The following CUEDC1 variants were observed in gnomAD, a reference collection of about 807,000 sequenced individuals.
CUEDC1 encodes CUE domain containing 1, also known as CUE domain-containing protein 1.
Under a neutral mutation model 43.7 loss-of-function variants are expected in CUEDC1, and 30 were observed. The observed-to-expected ratio is 0.69, with a 90% CI of 0.51 to 0.93. The LOEUF is 0.93. Ranked by LOEUF, CUEDC1 falls within the 40% of genes least tolerant of loss-of-function variation. CUEDC1 has a pLI of 0.00. For synonymous variants in CUEDC1, 223 were observed against 223.6 expected (o/e 1.00, Z 0.02); for missense variants, 486 against 549.0 (o/e 0.89, Z 1.15).
At chr17:57,884,623 C>G (rs2074262531) in intron 2 of CUEDC1, among the ~76,000 whole-genome samples, 1 of 152,212 alleles carries the variant, frequency 6.6e-6, no homozygotes, top group Non-Finnish European at 1.5e-5. Context: ...ACCTCCCAGA[C>G]TCTGCACAAG....
chr17:57,874,048 C>T (rs747964006), intron 3 of CUEDC1, among the ~76,000 whole-genome samples: 6 of 152,212 alleles, frequency 3.9e-5, no homozygotes, highest in Non-Finnish European at 8.8e-5. Flanking sequence ...CAGCAGGGAT[C>T]GCATCCTTTC....
intron 1 of CUEDC1, among the ~76,000 whole-genome samples, chr17:57,926,500 C>T (rs772489227): frequency 2.3e-4 from 35 of 152,034 alleles, no homozygotes; most frequent in Non-Finnish European, 4.1e-4. Context: ...CTAAAAACAA[C>T]CAAATTCTGG....
intron 1 of CUEDC1, among the ~76,000 whole-genome samples, chr17:57,891,107 C>T (rs906524358): frequency 1.3e-5 from 2 of 152,204 alleles, no homozygotes; most frequent in East Asian, 1.9e-4. Context: ...CATCTGCATA[C>T]TGAACACTGG....
intron 1 of CUEDC1, among the ~76,000 whole-genome samples, chr17:57,888,169 C>T: frequency 6.6e-6 from 1 of 152,184 alleles, no homozygotes; most frequent in South Asian, 2.1e-4. Flanking sequence ...TCCCAAAGTG[C>T]TGGGATTACA....
chr17:57,904,032 G>A (rs896862121), intron 1 of CUEDC1, among the ~76,000 whole-genome samples: 5 of 152,178 alleles, frequency 3.3e-5, no homozygotes, highest in Non-Finnish European at 5.9e-5. Flanking sequence ...AAGCAAAGGA[G>A]GCACAAGGCC....
At chr17:57,920,037 C>T (rs1485586771) in intron 1 of CUEDC1, among the ~76,000 whole-genome samples, 6 of 152,178 alleles carry the variant, frequency 3.9e-5, no homozygotes, top group Non-Finnish European at 7.3e-5. Context: ...TTCACAACAA[C>T]GCTGCAGGAA....
At chr17:57,950,057 T>C (rs1039288576) in intron 1 of CUEDC1, among the ~76,000 whole-genome samples, 1 of 152,222 alleles carries the variant, frequency 6.6e-6, no homozygotes, top group African/African-American at 2.4e-5. Context: ...CTAATCCATG[T>C]GAAGTACTTG....
chr17:57,901,208 G>A (rs930130337), intron 1 of CUEDC1, among the ~76,000 whole-genome samples: 18 of 152,184 alleles, frequency 1.2e-4, no homozygotes, highest in African/African-American at 3.6e-4. Context: ...GTTTCCATCC[G>A]GAAAATGGGA....
chr17:57,887,530 C>T (rs984252567), intron 1 of CUEDC1, among the ~76,000 whole-genome samples: 2 of 146,300 alleles, frequency 1.4e-5, no homozygotes, highest in Non-Finnish European at 3.0e-5. Context: ...CTCACTTTGT[C>T]GCCCAGGCTG....
At chr17:57,904,498 T>C (rs918350080) in intron 1 of CUEDC1, among the ~76,000 whole-genome samples, 1 of 152,052 alleles carries the variant, frequency 6.6e-6, no homozygotes, top group Non-Finnish European at 1.5e-5. Flanking sequence ...AAAAATGTAA[T>C]GCAAACAACA....
At chr17:57,879,979 A>G (rs893150505) in intron 2 of CUEDC1, among the ~76,000 whole-genome samples, 2 of 152,112 alleles carry the variant, frequency 1.3e-5, no homozygotes, top group African/African-American at 4.8e-5. Context: ...TATGTCCCCA[A>G]AAGAATGTTC....
chr17:57,926,018 C>A (rs1216358561), intron 1 of CUEDC1, among the ~76,000 whole-genome samples: 1 of 152,218 alleles, frequency 6.6e-6, no homozygotes, highest in Non-Finnish European at 1.5e-5. Flanking sequence ...CTGGGAAGTC[C>A]TCATCCTAGG....
At chr17:57,892,399 G>T (rs572814853) in intron 1 of CUEDC1, 1 of 152,384 alleles carries the variant, frequency 6.6e-6, no homozygotes, top group East Asian at 1.9e-4. Context: ...AACCCTGAAA[G>T]GTGGGAGTTA....
rs558114026 is a variant in CUEDC1, at chr17:57,864,952, G to A, written c.*3+1522C>T. On this transcript the variant is annotated intron_variant, in intron 10 of 10. Coordinates refer to ENST00000577830, the MANE Select transcript of CUEDC1 (RefSeq NM_001271875.2). Reference sequence around the variant, plus strand: ...GGTGCCTATAATCCCAGCTACTCGGGAGGCTGAGGCAGGAGAATCGCTTGA... The same window carrying A: ...GGTGCCTATAATCCCAGCTACTCGGAAGGCTGAGGCAGGAGAATCGCTTGA... 6.6e-5 allele frequency among the ~76,000 whole-genome samples: 10 copies of A among 152,338 alleles called. No individual in the cohort carries two copies. The East Asian group carries it at 1.9e-3, about 29-fold the overall frequency.
intron 3 of CUEDC1, among the ~76,000 whole-genome samples, chr17:57,879,257 G>A (rs2074170941): frequency 1.3e-5 from 2 of 152,172 alleles, no homozygotes; most frequent in Non-Finnish European, 2.9e-5. Context: ...TTTGCTGTGG[G>A]CTTGGGAGGG....
In CUEDC1 at chr17:57,871,342, G is replaced by C. The variant is rs781606986; in HGVS notation, c.812C>G (p.Ser271Cys). 3.7e-6 allele frequency: 6 copies of C among 1,613,934 alleles called. No individual in the cohort carries two copies. The highest frequency in any genetic ancestry group is 5.1e-6 in the Non-Finnish European group (6 of 1,179,998). Reference sequence around the variant, plus strand: ...TCCGACAGCCACGCTGCTGGATTTAGATTTCTGGGATTCGTATTTCAATCG... The same window carrying C: ...TCCGACAGCCACGCTGCTGGATTTACATTTCTGGGATTCGTATTTCAATCG... ...RDRLKYESQK[S>C]KSSSVAVGND... The change falls in exon 6 of 11, where the codon TCT becomes TGT. Residue 271 changes from serine (S) to cysteine (C), a missense_variant. By Grantham distance (112) the Ser-to-Cys change is moderately radical. Coordinates refer to ENST00000577830, the MANE Select transcript of CUEDC1 (RefSeq NM_001271875.2).
intron 1 of CUEDC1, among the ~76,000 whole-genome samples, chr17:57,942,771 G>A (rs2074928159): frequency 6.6e-6 from 1 of 151,744 alleles, no homozygotes; most frequent in African/African-American, 2.4e-5. Context: ...GCTCACGCCT[G>A]TAATCCCAGC....
chr17:57,904,774 G>A (rs533395830), intron 1 of CUEDC1, among the ~76,000 whole-genome samples: 13 of 152,058 alleles, frequency 8.5e-5, no homozygotes, highest in Non-Finnish European at 1.3e-4. Context: ...GTAGGGGAGT[G>A]GGGGGGCCTC....
In CUEDC1 at chr17:57,862,653, T is replaced by G. The variant is rs113777591; in HGVS notation, c.*636A>C. On this transcript the variant is annotated 3_prime_UTR_variant, in exon 11 of 11. Transcript: ENST00000577830. ...TCGGCAGATGCTTTGCAGTAGCCCA[T>G]AGCTCCTCAGAGTTCCTGGGGGACT... The G allele has an allele frequency of 7.9e-3, 1,202 of 152,438 alleles. 17 individuals are homozygous for G. The highest frequency in any genetic ancestry group is 0.027 in the African/African-American group (1,125 of 41,536). 9.4% of individuals were successfully genotyped at this position (152,438 alleles called of 1,614,324 possible).
Sources: gnomAD v4.1 joint callset for allele counts (sites outside exome capture counted in the v4.1 genomes callset) on GRCh38, gnomAD v4.1.1 for gene constraint, MANE v1.5 for transcripts, NCBI Gene and HGNC (gene_info 2026-07-23, HGNC 2026-07-21) for gene names.